Variants in TNFAIP8 observed in about 807,000 individuals in gnomAD.
TNFAIP8 encodes TNF alpha induced protein 8.
A neutral mutation model predicts 13.3 loss-of-function variants in TNFAIP8; 7 were observed. The observed-to-expected ratio is 0.52, with a 90% CI of 0.30 to 0.99. The LOEUF (loss-of-function observed/expected upper bound fraction) is 0.99. TNFAIP8 is among the 50% of genes least tolerant of loss of function. TNFAIP8 has a pLI of 0.07. For synonymous variants in TNFAIP8, 94 were observed against 87.6 expected (o/e 1.07, Z -0.41); for missense variants, 258 against 236.9 (o/e 1.09, Z -0.58).
At chr5:119,319,455 G>A (rs182164938) in intron 1 of TNFAIP8, among the ~76,000 whole-genome samples, 2 of 152,222 alleles carry the variant, frequency 1.3e-5, no homozygotes, top group East Asian at 3.9e-4. Context: ...TTAATAACAC[G>A]GCAGCTGTTG....
In TNFAIP8 at chr5:119,287,280, GT is replaced by G. The variant is rs58452491; in HGVS notation, c.1+18393del. Reference sequence around the variant, plus strand: ...ATAGCTTCCAGGGGACAGTAACCAAGTTTTTTTTTTTTTTTTTTTTGCTTTT... The same window carrying G: ...ATAGCTTCCAGGGGACAGTAACCAAGTTTTTTTTTTTTTTTTTTTGCTTTT... On this transcript the variant is annotated intron_variant, in intron 1 of 1. Transcript: ENST00000274456. Among the ~76,000 whole-genome samples, 410 of 109,236 alleles carry G rather than the reference GT, an allele frequency of 3.8e-3. 3 individuals carry two copies. The highest frequency in any genetic ancestry group is 0.012 in the African/African-American group (343 of 29,612). The allele number at this position is 109,236 out of a possible 152,430, so 71.7% of individuals were successfully genotyped here. A position where few individuals can be genotyped will look rare whatever the true frequency, so the allele number is the denominator to read the frequency against.
At chr5:119,333,208 G>A (rs1040483643) in intron 1 of TNFAIP8, 2 of 1,002,662 alleles carry the variant, frequency 2.0e-6, no homozygotes, top group Admixed American at 1.2e-4. Context: ...CTTGTCACAG[G>A]TAATCTTGCA....
intron 1 of TNFAIP8, among the ~76,000 whole-genome samples, chr5:119,334,156 G>GAAAAAAAAA (rs1562005111): frequency 8.8e-5 from 13 of 147,256 alleles, no homozygotes; most frequent in Non-Finnish European, 1.3e-4. Context: ...AAAAAAAAAC[G>GAAAAAAAAA]GTTTACCTTA....
At chr5:119,315,203 C>T (rs1009490595) in intron 1 of TNFAIP8, among the ~76,000 whole-genome samples, 2 of 152,236 alleles carry the variant, frequency 1.3e-5, no homozygotes, top group Non-Finnish European at 2.9e-5. Flanking sequence ...CTGCTTCAGC[C>T]TCCTGAGTAG....
At chr5:119,376,565 C>G (rs541993193) in intron 1 of TNFAIP8, among the ~76,000 whole-genome samples, 14 of 150,098 alleles carry the variant, frequency 9.3e-5, no homozygotes, top group Admixed American at 2.0e-4. Context: ...TCTTCCCACC[C>G]CCCCCGTCTT....
chr5:119,292,472 G>A (rs1285625798), intron 1 of TNFAIP8, among the ~76,000 whole-genome samples: 2 of 150,280 alleles, frequency 1.3e-5, no homozygotes, highest in East Asian at 3.9e-4. Context: ...TATTCTGTTG[G>A]GTAAAAGACA....
At chr5:119,342,453 G>T (rs1361951517) in intron 1 of TNFAIP8, among the ~76,000 whole-genome samples, 3 of 152,230 alleles carry the variant, frequency 2.0e-5, no homozygotes, top group Non-Finnish European at 4.4e-5. Context: ...GCCAATGGGA[G>T]AGTTATGGGA....
intron 1 of TNFAIP8, among the ~76,000 whole-genome samples, chr5:119,341,087 CTTTT>C (rs35856054): frequency 2.9e-5 from 4 of 138,392 alleles, no homozygotes; most frequent in Admixed American, 7.2e-5. Context: ...TGGTCTCCTG[CTTTT>C]TTTTTTTTTT....
intron 1 of TNFAIP8, among the ~76,000 whole-genome samples, chr5:119,341,221 G>A (rs904588841): frequency 8.6e-5 from 13 of 151,878 alleles, no homozygotes; most frequent in East Asian, 7.7e-4. Context: ...CCACCTAAGC[G>A]AGAGATTGCT....
intron 1 of TNFAIP8, among the ~76,000 whole-genome samples, chr5:119,269,876 A>G (rs1282112693): frequency 6.6e-6 from 1 of 152,198 alleles, no homozygotes. Context: ...AAGCTATGGT[A>G]TCATAACAGC....
chr5:119,384,438 G>T (rs931709729), intron 1 of TNFAIP8, among the ~76,000 whole-genome samples: 12 of 152,202 alleles, frequency 7.9e-5, no homozygotes, highest in African/African-American at 2.9e-4. Context: ...AGCCGAGATT[G>T]TGCCATTTCA....
At chr5:119,298,663 G>A (rs62375090) in intron 1 of TNFAIP8, among the ~76,000 whole-genome samples, 1 of 152,074 alleles carries the variant, frequency 6.6e-6, no homozygotes, top group Non-Finnish European at 1.5e-5. Flanking sequence ...TGCCTTGCTG[G>A]ATTGGGGAAG....
At chr5:119,275,718 A>C (rs1185757118) in intron 1 of TNFAIP8, among the ~76,000 whole-genome samples, 1 of 152,108 alleles carries the variant, frequency 6.6e-6, no homozygotes, top group African/African-American at 2.4e-5. Flanking sequence ...TCTGAATTTT[A>C]GTCAGTTTTT....
At chr5:119,272,967 C>T (rs1384061262) in intron 1 of TNFAIP8, among the ~76,000 whole-genome samples, 1 of 152,168 alleles carries the variant, frequency 6.6e-6, no homozygotes, top group Non-Finnish European at 1.5e-5. Flanking sequence ...CTCGTAAACA[C>T]CTCTGGGTTC....
chr5:119,325,809 T>A (rs1287313671), intron 1 of TNFAIP8, among the ~76,000 whole-genome samples: 11 of 152,182 alleles, frequency 7.2e-5, no homozygotes, highest in Admixed American at 7.2e-4. Context: ...CACCAGCCCC[T>A]GTCCCCTCCT....
intron 1 of TNFAIP8, among the ~76,000 whole-genome samples, chr5:119,338,003 G>A (rs552635510): frequency 3.3e-5 from 5 of 152,196 alleles, no homozygotes; most frequent in African/African-American, 7.2e-5. Context: ...AGGGCTTTCC[G>A]CTGATTTGCC....
chr5:119,333,840 A>G (rs549617336), intron 1 of TNFAIP8, among the ~76,000 whole-genome samples: 1 of 152,172 alleles, frequency 6.6e-6, no homozygotes, highest in Non-Finnish European at 1.5e-5. Flanking sequence ...AGGGAGAGGT[A>G]TGAGTATTGT....
chr5:119,288,573 G>C (rs1236396561), intron 1 of TNFAIP8, among the ~76,000 whole-genome samples: 1 of 152,174 alleles, frequency 6.6e-6, no homozygotes, highest in Non-Finnish European at 1.5e-5. Context: ...TCTTTATTTA[G>C]AAAAGCTGTT....
Position 119,283,057 on chromosome 5 carries a change from G to A in TNFAIP8, c.1+14150G>A, listed in dbSNP as rs146936482. On this transcript the variant is annotated intron_variant, in intron 1 of 1. Transcript: ENST00000274456. The stretch of plus-strand genomic sequence containing the variant: ...TTATCTGCCTGGCTTCTAGAGACAG[G>A]TGAGTTGGTGACCTCTGAACTTTGG... 1.6e-4 allele frequency among the ~76,000 whole-genome samples: 25 copies of A among 152,322 alleles called. No individual in the cohort carries two copies. The East Asian group carries it at 4.6e-3, about 28-fold the overall frequency.
Sources: allele counts gnomAD v4.1 joint callset (sites outside exome capture counted in the v4.1 genomes callset), GRCh38; gene constraint gnomAD v4.1.1; transcripts MANE v1.5; gene names NCBI Gene and HGNC (gene_info 2026-07-23, HGNC 2026-07-21).